STAP1: variants seen among roughly 807,000 people sequenced by gnomAD.
STAP1 encodes the protein signal-transducing adaptor protein 1.
In STAP1, 30 loss-of-function variants were observed where a neutral mutation model predicts 37.8. The ratio of observed to expected loss-of-function variants is 0.79; its 90% CI spans 0.59 to 1.08. STAP1 has a LOEUF of 1.08. Ranked by LOEUF, STAP1 falls within the 50% of genes least tolerant of loss-of-function variation. The pLI, the probability that STAP1 is intolerant of heterozygous loss-of-function variation, is 0.00. For synonymous variants in STAP1, 130 were observed against 116.0 expected (o/e 1.12, Z -0.78); for missense variants, 357 against 349.4 (o/e 1.02, Z -0.17).
intron 6 of STAP1, among the ~76,000 whole-genome samples, chr4:67,588,894 A>G (rs577040566): frequency 3.7e-4 from 56 of 152,352 alleles, no homozygotes; most frequent in Non-Finnish European, 6.5e-4. Flanking sequence ...TTAAAACAAT[A>G]CATTTAAGAA....
intron 6 of STAP1, among the ~76,000 whole-genome samples, chr4:67,587,719 CTTTTTTTT>C (rs34808968): frequency 7.8e-6 from 1 of 128,066 alleles, no homozygotes; most frequent in South Asian, 2.4e-4. Flanking sequence ...TTCTTTCTTT[CTTTTTTTT>C]TTTTTTTTTT....
chr4:67,576,457 AT>A (rs994636044), intron 3 of STAP1, among the ~76,000 whole-genome samples: 55 of 152,348 alleles, frequency 3.6e-4, no homozygotes, highest in African/African-American at 1.3e-3. Context: ...GAACAAATCT[AT>A]AAAACAATCA....
At chr4:67,599,441 T>C (rs980118600) in intron 8 of STAP1, among the ~76,000 whole-genome samples, 1 of 152,070 alleles carries the variant, frequency 6.6e-6, no homozygotes, top group African/African-American at 2.4e-5. Flanking sequence ...CTTGGTAGGT[T>C]GTATGTGTCT....
At chr4:67,565,222 A>C (rs1445895480) in intron 1 of STAP1, among the ~76,000 whole-genome samples, 1 of 152,248 alleles carries the variant, frequency 6.6e-6, no homozygotes, top group African/African-American at 2.4e-5. Flanking sequence ...GAAAAAAACT[A>C]GTCACTCCCA....
chr4:67,606,170 A>T, intron 8 of STAP1, 126 bp from the exon 9 acceptor site: 2 of 655,872 alleles, frequency 3.0e-6, no homozygotes, highest in East Asian at 3.1e-5. Context: ...TTATTTTCCT[A>T]ACAATTACTA....
At chr4:67,568,490 C>T (rs1309088841) in intron 1 of STAP1, among the ~76,000 whole-genome samples, 1 of 151,968 alleles carries the variant, frequency 6.6e-6, no homozygotes, top group Non-Finnish European at 1.5e-5. Context: ...ACTTACTTGC[C>T]ATTCTTTTGT....
chr4:67,571,038 T>G, intron 1 of STAP1, 46 bp from the exon 2 acceptor site: 1 of 1,440,676 alleles, frequency 6.9e-7, no homozygotes, highest in East Asian at 2.3e-5. Flanking sequence ...AGAAAAATAG[T>G]TGAATATACA....
chr4:67,581,244 T>C, intron 4 of STAP1, 61 bp from the exon 5 acceptor site: 2 of 1,539,412 alleles, frequency 1.3e-6, no homozygotes, highest in Non-Finnish European at 8.8e-7. Context: ...GGGTCGTCTT[T>C]ACTAAAGTTA....
intron 1 of STAP1, among the ~76,000 whole-genome samples, chr4:67,562,240 G>T (rs946196585): frequency 5.3e-5 from 8 of 151,402 alleles, no homozygotes; most frequent in African/African-American, 1.9e-4. Context: ...TATTCGGAAG[G>T]CTGAGGCAGG....
chr4:67,573,972 G>T (rs954343721), intron 2 of STAP1, among the ~76,000 whole-genome samples: 1 of 152,094 alleles, frequency 6.6e-6, no homozygotes. Context: ...CAAGCCCGTT[G>T]CATATAGAGA....
At chr4:67,583,847 T>G in intron 6 of STAP1, 145 bp downstream of exon 6, 2 of 905,682 alleles carry the variant, frequency 2.2e-6, no homozygotes, top group Non-Finnish European at 3.2e-6. Context: ...GCCTGTAATC[T>G]CAACACTTCG....
At chr4:67,579,966 A>T (rs1403184362) in intron 4 of STAP1, among the ~76,000 whole-genome samples, 1 of 152,138 alleles carries the variant, frequency 6.6e-6, no homozygotes, top group Non-Finnish European at 1.5e-5. Flanking sequence ...CCCAGGTTTA[A>T]GCAATCGTCC....
At chr4:67,560,643 G>GGTGTGTGTGTGT (rs1553900082) in intron 1 of STAP1, among the ~76,000 whole-genome samples, 18 of 149,490 alleles carry the variant, frequency 1.2e-4, no homozygotes, top group African/African-American at 3.9e-4. Flanking sequence ...TGTGTGTGTG[G>GGTGTGTGTGTGT]GTGTGTGTCT....
In STAP1 at chr4:67,606,323, G is replaced by C; in HGVS notation, c.854G>C (p.Ser285Thr). Residue 285 changes from serine (S) to threonine (T), a missense_variant, in exon 9 of 9, where the codon AGT becomes ACT. Ser to Thr is a moderately conservative substitution (Grantham distance 58). Coordinates refer to ENST00000265404, the MANE Select transcript of STAP1 (RefSeq NM_012108.4). ...CAAGAACCCAGTATGGAAGGGAGAAGTGAAAAGTTGAAGAAAAATCCACAC... is the reference window on the plus strand; with the variant it reads ...CAAGAACCCAGTATGGAAGGGAGAACTGAAAAGTTGAAGAAAAATCCACAC... ...TGQEPSMEGR[S>T]EKLKKNPHIA The C allele has an allele frequency of 6.2e-7, 1 of 1,612,350 alleles. No individual in the cohort carries two copies. The highest frequency in any genetic ancestry group is 8.5e-7 in the Non-Finnish European group (1 of 1,179,370).
intron 8 of STAP1, among the ~76,000 whole-genome samples, chr4:67,599,136 T>G (rs1293272225): frequency 6.6e-6 from 1 of 152,206 alleles, no homozygotes; most frequent in African/African-American, 2.4e-5. Flanking sequence ...TTGAGGAGTT[T>G]TACATCAATG....
rs1553901804 is a variant in STAP1 at position 67,584,116 on chromosome 4, A to AAAAAAT, written c.659+414_659+415insAAAAAT. ...CGGTCTCGAAAAAAAAAAAAAAAAA[A>AAAAAAT]GAACACAAGAATAGGGAGGGAATGT... On this transcript the variant is annotated intron_variant, in intron 6 of 8. Coordinates refer to ENST00000265404, the MANE Select transcript of STAP1 (RefSeq NM_012108.4). 1.0e-4 allele frequency among the ~76,000 whole-genome samples: 14 copies of AAAAAAT among 134,094 alleles called. 3 individuals are homozygous for AAAAAAT. Among genetic ancestry groups the AAAAAAT allele is most frequent in the Non-Finnish European group, 1.1e-4 (7 of 62,852 alleles). The allele number at this position is 134,094 out of a possible 152,430, so 88.0% of individuals were successfully genotyped here.
At chr4:67,582,520 C>G (rs1210445660) in intron 5 of STAP1, among the ~76,000 whole-genome samples, 1 of 152,056 alleles carries the variant, frequency 6.6e-6, no homozygotes, top group African/African-American at 2.4e-5. Context: ...GTTGCCCAGG[C>G]TGGTCTTGAA....
chr4:67,597,292 T>C (rs1728247100), intron 8 of STAP1, among the ~76,000 whole-genome samples: 1 of 152,222 alleles, frequency 6.6e-6, no homozygotes, highest in Admixed American at 6.5e-5. Flanking sequence ...AAGACAAGAA[T>C]TGAGGTTTGA....
intron 6 of STAP1, among the ~76,000 whole-genome samples, chr4:67,586,473 A>C (rs1176447437): frequency 6.6e-6 from 1 of 152,124 alleles, no homozygotes; most frequent in Non-Finnish European, 1.5e-5. Context: ...AAAACAAACA[A>C]ACAAAAAAAC....
Sources: gnomAD v4.1 joint callset for allele counts (sites outside exome capture counted in the v4.1 genomes callset) on GRCh38, gnomAD v4.1.1 for gene constraint, MANE v1.5 for transcripts, NCBI Gene and HGNC (gene_info 2026-07-23, HGNC 2026-07-21) for gene names.